FECH: variants seen among roughly 807,000 people sequenced by gnomAD.
FECH encodes ferrochelatase.
Under a neutral mutation model 56.9 loss-of-function variants are expected in FECH, and 40 were observed. The observed-to-expected ratio is 0.70, with a 90% CI of 0.55 to 0.92. The LOEUF is 0.92. Ranked by LOEUF, FECH falls within the 40% of genes least tolerant of loss-of-function variation. FECH has a pLI of 0.00. For missense variants in FECH, 431 were observed against 529.1 expected (o/e 0.81, Z 1.82); for synonymous variants, 175 against 198.6 (o/e 0.88, Z 1.00).
intron 1 of FECH, among the ~76,000 whole-genome samples, chr18:57,584,912 G>A (rs532784504): frequency 2.4e-4 from 36 of 146,956 alleles, no homozygotes; most frequent in Non-Finnish European, 4.3e-4. Flanking sequence ...CAGGGAGGCT[G>A]AGGCGGGAGG....
rs2050735795 is a variant in FECH at position 57,547,564 on chromosome 18, T to C, written c.*3148A>G. ...GCCATGATTGTCAATTTCCTAAGGC[T>C]TCCTCAGAAAGCCGAACCGAGTCAA... On this transcript the variant is annotated 3_prime_UTR_variant, in exon 11 of 11. Transcript: ENST00000262093. Among the ~76,000 whole-genome samples the C allele has an allele frequency of 1.3e-5, 2 of 152,210 alleles. No individual in the cohort carries two copies. Among genetic ancestry groups the C allele is most frequent in the Admixed American group, 6.5e-5 (1 of 15,284 alleles).
intron 1 of FECH, among the ~76,000 whole-genome samples, chr18:57,583,072 CAG>C (rs920837520): frequency 7.2e-5 from 11 of 152,160 alleles, no homozygotes; most frequent in Non-Finnish European, 1.3e-4. Flanking sequence ...ACCAGATTCT[CAG>C]AGAGGAGAAT....
intron 9 of FECH, among the ~76,000 whole-genome samples, chr18:57,552,959 T>C (rs1008028496): frequency 3.3e-5 from 5 of 152,128 alleles, no homozygotes; most frequent in Non-Finnish European, 7.4e-5. Flanking sequence ...GCTACTCAGG[T>C]AGCTGAGGAG....
At chr18:57,570,028 T>TG (rs1555680796) in intron 4 of FECH, among the ~76,000 whole-genome samples, 1 of 101,866 alleles carries the variant, frequency 9.8e-6, no homozygotes, top group African/African-American at 3.3e-5. Context: ...GTTGTTGTTG[T>TG]TGTCGTGTGT....
chr18:57,547,936 T>A lies in FECH; in HGVS notation c.*2776A>T, dbSNP rs573014432. ...CACATGTAAGGCACGGCACCCAGCC[T>A]CACATTTAAAGGGCTTTTAATAATG... On this transcript the variant is annotated 3_prime_UTR_variant, in exon 11 of 11. Transcript: ENST00000262093. 6.6e-6 allele frequency among the ~76,000 whole-genome samples: 1 copy of A among 152,220 alleles called. No individual in the cohort carries two copies. The highest frequency in any genetic ancestry group is 2.4e-5 in the African/African-American group (1 of 41,544).
chr18:57,546,022 G>C lies in FECH; in HGVS notation c.*4690C>G, dbSNP rs1303200624. Reference sequence around the variant, plus strand: ...TTATCCACACTCAGGTCTCCATTTTGCTATTAAAAATTGAGAAGCTGAATA... The same window carrying C: ...TTATCCACACTCAGGTCTCCATTTTCCTATTAAAAATTGAGAAGCTGAATA... On this transcript the variant is annotated 3_prime_UTR_variant, in exon 11 of 11. Coordinates refer to ENST00000262093, the MANE Select transcript of FECH (RefSeq NM_000140.5). 6.6e-6 allele frequency among the ~76,000 whole-genome samples: 1 copy of C among 152,116 alleles called. No homozygotes were observed.
chr18:57,554,647 T>C (rs2050844763), intron 8 of FECH, among the ~76,000 whole-genome samples, 198 bp downstream of exon 8: 1 of 152,218 alleles, frequency 6.6e-6, no homozygotes, highest in African/African-American at 2.4e-5. Context: ...AGGTAAAATA[T>C]TAAACCAATG....
In FECH at chr18:57,544,413, T is replaced by C. The variant is rs1474309523; in HGVS notation, c.*6299A>G. Among the ~76,000 whole-genome samples the C allele has an allele frequency of 1.3e-5, 2 of 152,198 alleles. No individual in the cohort carries two copies. The highest frequency in any genetic ancestry group is 2.9e-5 in the Non-Finnish European group (2 of 68,024). On this transcript the variant is annotated 3_prime_UTR_variant, in exon 11 of 11. Transcript: ENST00000262093. ...GTATGTTTACTATAAATTTTACTAA[T>C]CTAAAAGATGTGGAATACACAATTT...
At chr18:57,566,273 C>G (rs1469903433) in intron 5 of FECH, among the ~76,000 whole-genome samples, 174 bp downstream of exon 5, 1 of 152,196 alleles carries the variant, frequency 6.6e-6, no homozygotes, top group Non-Finnish European at 1.5e-5. Context: ...ATTCAAGGGA[C>G]AGATGGACCA....
chr18:57,579,350 G>A (rs1364062789), intron 2 of FECH, among the ~76,000 whole-genome samples: 1 of 151,180 alleles, frequency 6.6e-6, no homozygotes, highest in East Asian at 1.9e-4. Context: ...ATCAAACAAT[G>A]TGTGATCTAG....
intron 1 of FECH, among the ~76,000 whole-genome samples, chr18:57,586,316 C>T (rs1463552323): frequency 1.3e-5 from 2 of 152,368 alleles, no homozygotes; most frequent in Non-Finnish European, 2.9e-5. Context: ...ACCCAGCCGA[C>T]CGATGGGACT....
At position 57,546,433 on chromosome 18, in the gene FECH, T is replaced by C. The variant is rs2050722038; in HGVS notation, c.*4279A>G. Among the ~76,000 whole-genome samples the C allele has an allele frequency of 1.3e-5, 2 of 152,128 alleles. No individual in the cohort carries two copies. Among genetic ancestry groups the C allele is most frequent in the Non-Finnish European group, 2.9e-5 (2 of 68,004 alleles). On this transcript the variant is annotated 3_prime_UTR_variant, in exon 11 of 11. Transcript: ENST00000262093. The stretch of plus-strand genomic sequence containing the variant: ...CTGAGCAGGGGGCAGGTCTTGCTGC[T>C]CACTCCACTTGGGGTATGGCTGCAG...
chr18:57,561,002 A>G (rs1023209181), intron 6 of FECH, among the ~76,000 whole-genome samples: 1 of 152,172 alleles, frequency 6.6e-6, no homozygotes, highest in African/African-American at 2.4e-5. Context: ...AATTCTCAGC[A>G]AATGTGACAG....
At chr18:57,560,359 C>G (rs993375427) in intron 6 of FECH, among the ~76,000 whole-genome samples, 1 of 152,342 alleles carries the variant, frequency 6.6e-6, no homozygotes, top group African/African-American at 2.4e-5. Context: ...ATGTTAATAA[C>G]ACATCAATAG....
At chr18:57,570,171 G>A (rs953086055) in intron 4 of FECH, among the ~76,000 whole-genome samples, 20 of 152,036 alleles carry the variant, frequency 1.3e-4, no homozygotes, top group Non-Finnish European at 2.1e-4. Flanking sequence ...TGGGATTACA[G>A]GCGTGAGCCA....
chr18:57,564,825 T>A (rs2050995685), intron 5 of FECH, among the ~76,000 whole-genome samples: 1 of 152,240 alleles, frequency 6.6e-6, no homozygotes, highest in African/African-American at 2.4e-5. Flanking sequence ...TTTCAGGTTG[T>A]GTGGAAACAT....
At chr18:57,551,124 G>T in intron 10 of FECH, 191 bp downstream of exon 10, 1 of 640,614 alleles carries the variant, frequency 1.6e-6, no homozygotes, top group Non-Finnish European at 2.7e-6. Context: ...AGTTATAGGT[G>T]GGTAGAAATC....
intron 6 of FECH, among the ~76,000 whole-genome samples, chr18:57,559,802 A>G (rs1304103546): frequency 1.3e-5 from 2 of 152,234 alleles, no homozygotes; most frequent in African/African-American, 2.4e-5. Flanking sequence ...GACAGGTGAT[A>G]CACACCCATT....
chr18:57,586,460 CCCCGGGCGCGAGGG>C, intron 1 of FECH, 80 bp downstream of exon 1: 12 of 1,352,636 alleles, frequency 8.9e-6, no homozygotes, highest in Non-Finnish European at 1.2e-5. Context: ...TCCCCGAATC[CCCCGGGCGCGAGGG>C]CCCGGGCGCC....
Sources: allele counts gnomAD v4.1 joint callset (sites outside exome capture counted in the v4.1 genomes callset), GRCh38; gene constraint gnomAD v4.1.1; transcripts MANE v1.5; gene names NCBI Gene and HGNC (gene_info 2026-07-23, HGNC 2026-07-21).